Variants in DSCC1 observed in about 807,000 individuals in gnomAD.
DSCC1 encodes the protein DNA replication and sister chromatid cohesion 1.
DSCC1 carries 32 observed loss-of-function variants against 48.2 expected under a neutral mutation model. The observed-to-expected ratio is 0.66, with a 90% confidence interval of 0.50 to 0.89. The LOEUF is 0.89. DSCC1 is among the 40% of genes least tolerant of loss of function. The pLI is 0.00. For missense variants in DSCC1, 421 were observed against 471.7 expected (o/e 0.89, Z 1.00); for synonymous variants, 150 against 171.5 (o/e 0.87, Z 0.98).
intron 7 of DSCC1, 28 bp downstream of exon 7, chr8:119,841,766 G>A (rs375525559): frequency 9.4e-6 from 15 of 1,600,498 alleles, no homozygotes; most frequent in Non-Finnish European, 1.3e-5. Flanking sequence ...AACTGTTGAA[G>A]TAAGGTGGCA....
chr8:119,855,880 G>T lies in DSCC1; in HGVS notation c.-85C>A. ...AAAGAAGTTCCCAAGCAGCCGGAAG[G>T]TAGGAAACCTGAGCGTTTGAAAGCG... On this transcript the variant is annotated 5_prime_UTR_variant, in exon 1 of 9. Coordinates refer to ENST00000313655, the MANE Select transcript of DSCC1 (RefSeq NM_024094.3). 7.3e-7 allele frequency: 1 copy of T among 1,375,296 alleles called. No individual in the cohort carries two copies. The allele number at this position is 1,375,296 out of a possible 1,614,324, so 85.2% of individuals were successfully genotyped here.
chr8:119,838,661 C>T (rs1043663893), intron 7 of DSCC1: 2 of 308,112 alleles, frequency 6.5e-6, no homozygotes, highest in African/African-American at 4.3e-5. Flanking sequence ...TAAAGGTCAC[C>T]AGTAACCTGT....
intron 1 of DSCC1, among the ~76,000 whole-genome samples, chr8:119,855,238 T>C (rs916750983): frequency 6.6e-6 from 1 of 152,156 alleles, no homozygotes; most frequent in African/African-American, 2.4e-5. Context: ...GTAAAATAAA[T>C]ATAAGTGGAA....
At position 119,834,973 on chromosome 8, in the gene DSCC1, C is replaced by G; in HGVS notation, c.1102G>C (p.Gly368Arg). 6.2e-7 allele frequency: 1 copy of G among 1,606,932 alleles called. No homozygotes were observed. Among genetic ancestry groups the G allele is most frequent in the Non-Finnish European group, 8.5e-7 (1 of 1,176,854 alleles). The change falls in exon 9 of 9, where the codon GGT (glycine) becomes CGT (arginine). Residue 368 changes from glycine (G) to arginine (R), a missense_variant. This residue lies in a region of DSCC1 where 238 missense variants were observed against 259.0 expected (regional missense o/e 0.92). Transcript: ENST00000313655. ...TGAGAATATTTAGTGAGTAATGCAC[C>G]TATGGTTTGCTTCTCTCCACACAAA... ...QDLCGEKQTI[G>R]ALLTKYSHSS...
chr8:119,839,862 T>G (rs558397569), intron 7 of DSCC1: 1 of 152,354 alleles, frequency 6.6e-6, no homozygotes, highest in South Asian at 2.1e-4. Flanking sequence ...CATCTTTCCA[T>G]ACTCAGCAGC....
intron 3 of DSCC1, among the ~76,000 whole-genome samples, chr8:119,848,752 T>C (rs533035213): frequency 6.4e-4 from 98 of 152,334 alleles, no homozygotes; most frequent in Middle Eastern, 3.4e-3. Context: ...GCATAAAATA[T>C]GAGTATGTCC....
intron 8 of DSCC1, among the ~76,000 whole-genome samples, chr8:119,836,213 T>G (rs573601453): frequency 6.6e-6 from 1 of 152,224 alleles, no homozygotes; most frequent in African/African-American, 2.4e-5. Context: ...CTTGGGAGGC[T>G]AAGGCAGGAG....
intron 3 of DSCC1, among the ~76,000 whole-genome samples, chr8:119,850,130 A>G (rs1329293307): frequency 6.6e-6 from 1 of 152,208 alleles, no homozygotes; most frequent in East Asian, 1.9e-4. Context: ...AGAAAAATTA[A>G]AAAGATGGAA....
In DSCC1 at chr8:119,847,992, T is replaced by TAA. The variant is rs113250934; in HGVS notation, c.487-914_487-913dup. Reference sequence around the variant, plus strand: ...TTTTTGTTTTTGTTTTTGTTTTTTTTAAATACAGAGTCTCACTCTGCCATC... The same window carrying TAA: ...TTTTTGTTTTTGTTTTTGTTTTTTTTAAAAATACAGAGTCTCACTCTGCCATC... On this transcript the variant is annotated intron_variant, in intron 3 of 8. Coordinates refer to ENST00000313655, the MANE Select transcript of DSCC1 (RefSeq NM_024094.3). 9.8e-4 allele frequency among the ~76,000 whole-genome samples: 148 copies of TAA among 151,292 alleles called. 1 individual carries two copies. Among genetic ancestry groups the TAA allele is most frequent in the South Asian group, 5.2e-3 (25 of 4,796 alleles).
chr8:119,847,661 CTTTTTCTTTT>C (rs1826877366), intron 3 of DSCC1, among the ~76,000 whole-genome samples: 2 of 141,618 alleles, frequency 1.4e-5, no homozygotes, highest in African/African-American at 2.8e-5. Context: ...ATTTTTTCTT[CTTTTTCTTTT>C]TTTTTTTTTT....
At position 119,853,208 on chromosome 8, in the gene DSCC1, T is replaced by C; in HGVS notation, c.190A>G (p.Ile64Val). 6.2e-7 allele frequency: 1 copy of C among 1,604,670 alleles called. No homozygotes were observed. The highest frequency in any genetic ancestry group is 2.2e-5 in the East Asian group (1 of 44,700). Residue 64 changes from isoleucine (I) to valine (V), a missense_variant, in exon 2 of 9, where the codon ATT (isoleucine) becomes GTT (valine). Physicochemically the swap from Ile to Val is conservative, Grantham distance 29. Around this residue, in one of 3 missense-constraint regions of DSCC1, gnomAD observed 174 missense variants for 184.5 expected, o/e 0.94. Transcript: ENST00000313655. Reference protein sequence around the residue: ...QQLEDGHSLVIRGDKDEQAVL... With the variant: ...QQLEDGHSLVVRGDKDEQAVL... ...GCTTGCTCGTCTTTATCACCACGAA[T>C]CACAAGACTGTAGCAAAATGGGGGA...
At chr8:119,838,143 A>T (rs1826713009) in intron 8 of DSCC1, 116 bp downstream of exon 8, 1 of 1,105,698 alleles carries the variant, frequency 9.0e-7, no homozygotes, top group Non-Finnish European at 1.2e-6. Flanking sequence ...TTTCTAGGGA[A>T]GCAGTATCCT....
chr8:119,839,537 T>C (rs979251023), intron 7 of DSCC1: 1 of 152,274 alleles, frequency 6.6e-6, no homozygotes, highest in African/African-American at 2.4e-5. Context: ...TGCACAGTAA[T>C]CCTTTTTCAT....
At chr8:119,835,692 T>G (rs1465014296) in intron 8 of DSCC1, among the ~76,000 whole-genome samples, 1 of 152,128 alleles carries the variant, frequency 6.6e-6, no homozygotes, top group Non-Finnish European at 1.5e-5. Flanking sequence ...AAATTAGAAA[T>G]ACAAGCAGTG....
At chr8:119,853,377 T>C (rs1405991861) in intron 1 of DSCC1, among the ~76,000 whole-genome samples, 162 bp from the exon 2 acceptor site, 1 of 152,112 alleles carries the variant, frequency 6.6e-6, no homozygotes, top group African/African-American at 2.4e-5. Flanking sequence ...ACAGCAAGCA[T>C]TGGGCCAACT....
Position 119,841,871 on chromosome 8 carries a change from A to C in DSCC1, c.847T>G (p.Phe283Val). The C allele has an allele frequency of 6.2e-7, 1 of 1,614,122 alleles. No individual in the cohort carries two copies. Among genetic ancestry groups the C allele is most frequent in the African/African-American group, 1.3e-5 (1 of 75,044 alleles). The change falls in exon 7 of 9, where the codon TTC becomes GTC. Residue 283 changes from phenylalanine to valine, a missense_variant. This residue lies in a region of DSCC1 where 238 missense variants were observed against 259.0 expected (regional missense o/e 0.92). Transcript: ENST00000313655. ...ARMLLQNAVK[F>V]NLAEFQEVWQ... ...ACTTCTTGAAACTCAGCGAGATTGA[A>C]TTTCACCGCATTCTGAAGTAGCATT...
rs1229200219 is a variant in DSCC1 at position 119,847,177 on chromosome 8, G to A, written c.487-97C>T. On this transcript the variant is annotated intron_variant, in intron 3 of 8. Transcript: ENST00000313655. ...GGAATAAATACATAGAACAGATTAAGGCAATATTTATGCACTAGCTCAGTT... is the reference window on the plus strand; with the variant it reads ...GGAATAAATACATAGAACAGATTAAAGCAATATTTATGCACTAGCTCAGTT... The A allele has an allele frequency of 4.9e-6, 5 of 1,030,850 alleles. No individual in the cohort carries two copies. In the African/African-American group the frequency reaches 6.4e-5, roughly 13 times the overall value. 63.9% of individuals were successfully genotyped at this position (1,030,850 alleles called of 1,614,324 possible).
Position 119,845,051 on chromosome 8 carries a change from T to TTTTATTTA in DSCC1, c.578-1312_578-1305dup, listed in dbSNP as rs67730947. On this transcript the variant is annotated intron_variant, in intron 4 of 8. Transcript: ENST00000313655. ...TCCTGTGAGAGATTATGACATGCCA[T>TTTTATTTA]TTTATTTATTTATTTATTTATTTAT... Among the ~76,000 whole-genome samples, 157 of 138,416 alleles carry TTTTATTTA rather than the reference T, an allele frequency of 1.1e-3. 1 individual carries two copies. The highest frequency in any genetic ancestry group is 3.6e-3 in the African/African-American group (132 of 36,958). The allele number at this position is 138,416 out of a possible 152,430, so 90.8% of individuals were successfully genotyped here.
intron 8 of DSCC1, 23 bp downstream of exon 8, chr8:119,838,236 T>C (rs1826714700): frequency 6.6e-7 from 1 of 1,524,624 alleles, no homozygotes; most frequent in Non-Finnish European, 8.8e-7. Context: ...ACCCTCAAAA[T>C]CCGTCTTTAA....
Sources: gnomAD v4.1 joint callset for allele counts (sites outside exome capture counted in the v4.1 genomes callset) on GRCh38, gnomAD v4.1.1 for gene constraint, gnomAD v4.1.1 regional missense constraint, MANE v1.5 for transcripts, NCBI Gene and HGNC (gene_info 2026-07-23, HGNC 2026-07-21) for gene names.